Variants in TLN2 observed in about 807,000 individuals in gnomAD.
TLN2 encodes the protein talin-2.
TLN2 carries 118 observed loss-of-function variants against 294.7 expected under a neutral mutation model. That is an observed-to-expected ratio of 0.40 (90% confidence interval 0.34 to 0.47). The LOEUF is 0.47. Ranked by LOEUF, TLN2 falls within the 20% of genes least tolerant of loss-of-function variation. The probability of loss-of-function intolerance (pLI) is 0.84; values close to 1 mark genes in which losing one functional copy is unlikely to be tolerated. For missense variants in TLN2, 3,083 were observed against 3,282.2 expected, an observed-to-expected ratio of 0.94 and a Z score of 1.48; for synonymous variants, 1,431 against 1,304.5, an observed-to-expected ratio of 1.10 and a Z score of -2.09.
intron 48 of TLN2, among the ~76,000 whole-genome samples, chr15:62,798,446 A>G (rs933126740): frequency 1.3e-5 from 2 of 152,174 alleles, no homozygotes; most frequent in African/African-American, 2.4e-5. Context: ...GCTACTGGCT[A>G]CTGAACAAGT....
At chr15:62,715,815 T>TG (rs1277890949) in intron 22 of TLN2, among the ~76,000 whole-genome samples, 1 of 152,194 alleles carries the variant, frequency 6.6e-6, no homozygotes, top group African/African-American at 2.4e-5. Context: ...AAAATTTCCT[T>TG]GGAGTGTTTT....
At chr15:62,535,861 T>A (rs968367095) in intron 1 of TLN2, among the ~76,000 whole-genome samples, 6 of 152,204 alleles carry the variant, frequency 3.9e-5, no homozygotes, top group African/African-American at 1.4e-4. Context: ...CCAGTATGTT[T>A]TAAAGTTATT....
intron 28 of TLN2, among the ~76,000 whole-genome samples, chr15:62,735,785 T>G (rs2060977688): frequency 6.6e-6 from 1 of 152,176 alleles, no homozygotes. Context: ...ATATAAGAAC[T>G]TTCTTGTTAG....
chr15:62,710,357 G>A (rs1411734366), intron 21 of TLN2, among the ~76,000 whole-genome samples: 1 of 152,078 alleles, frequency 6.6e-6, no homozygotes, highest in Non-Finnish European at 1.5e-5. Context: ...ATCTATTTTT[G>A]TGCTTCCTTG....
At chr15:62,545,140 G>A (rs567743933) in intron 1 of TLN2, among the ~76,000 whole-genome samples, 8 of 150,526 alleles carry the variant, frequency 5.3e-5, no homozygotes, top group Non-Finnish European at 8.9e-5. Context: ...GGGTTTCACT[G>A]TGTTAGCCAG....
At chr15:62,835,867 C>A in intron 56 of TLN2, 24 bp from the exon 57 acceptor site, 1 of 1,614,168 alleles carries the variant, frequency 6.2e-7, no homozygotes, top group Non-Finnish European at 8.5e-7. Context: ...GGCCTTGGGT[C>A]ACTTCTCCGT....
At chr15:62,800,248 A>C in intron 48 of TLN2, 120 bp from the exon 49 acceptor site, 1 of 1,470,112 alleles carries the variant, frequency 6.8e-7, no homozygotes, top group Non-Finnish European at 9.1e-7. Flanking sequence ...CATGCTGCAG[A>C]CTTCAGACTG....
At position 62,650,071 on chromosome 15, in the gene TLN2, A is replaced by G. The variant is rs754443416; in HGVS notation, c.137-13A>G. The G allele has an allele frequency of 6.8e-6, 11 of 1,613,706 alleles. No individual in the cohort carries two copies. Among genetic ancestry groups the G allele is most frequent in the Non-Finnish European group, 8.5e-6 (10 of 1,179,770 alleles). ...CACTTTGCCTTCTGTTTTTCTTCCC[A>G]TTTATATTTCAGCTTCTGACTATGG... On this transcript the variant is annotated splice_polypyrimidine_tract_variant and intron_variant, in intron 4 of 58. Coordinates refer to ENST00000636159, the MANE Select transcript of TLN2 (RefSeq NM_015059.3).
intron 9 of TLN2, among the ~76,000 whole-genome samples, chr15:62,664,418 C>T (rs1477154075): frequency 1.3e-5 from 2 of 151,846 alleles, no homozygotes. Flanking sequence ...GTGAAGACAA[C>T]CAAGGTTCTT....
chr15:62,441,818 T>G (rs909452383), intron 1 of TLN2, among the ~76,000 whole-genome samples: 1 of 152,120 alleles, frequency 6.6e-6, no homozygotes, highest in African/African-American at 2.4e-5. Context: ...ATTAACAACA[T>G]GAAGGACTGG....
intron 1 of TLN2, among the ~76,000 whole-genome samples, chr15:62,489,726 A>G (rs1162421852): frequency 1.3e-5 from 2 of 152,196 alleles, no homozygotes; most frequent in African/African-American, 2.4e-5. Context: ...CCAAGTGACA[A>G]AAGGCACTGT....
chr15:62,629,280 T>C (rs2049566137), intron 3 of TLN2, among the ~76,000 whole-genome samples: 1 of 152,198 alleles, frequency 6.6e-6, no homozygotes, highest in African/African-American at 2.4e-5. Flanking sequence ...TTTGTGACCT[T>C]GGATGGAGTA....
chr15:62,798,431 T>C (rs183798953), intron 48 of TLN2, among the ~76,000 whole-genome samples: 1 of 152,236 alleles, frequency 6.6e-6, no homozygotes, highest in Non-Finnish European at 1.5e-5. Flanking sequence ...TCTTGGCACA[T>C]AGTGGCTACT....
intron 1 of TLN2, among the ~76,000 whole-genome samples, chr15:62,404,020 C>G (rs948374598): frequency 1.3e-5 from 2 of 152,282 alleles, no homozygotes; most frequent in Middle Eastern, 6.8e-3. Flanking sequence ...ACAAAAAATT[C>G]TTAATGATTG....
intron 3 of TLN2, among the ~76,000 whole-genome samples, chr15:62,629,504 T>C (rs1428616840): frequency 1.3e-5 from 2 of 152,214 alleles, no homozygotes; most frequent in African/African-American, 4.8e-5. Context: ...TTTAAAGCTT[T>C]TTATTTTTGA....
At chr15:62,600,629 C>A (rs1020423200) in intron 2 of TLN2, among the ~76,000 whole-genome samples, 2 of 152,144 alleles carry the variant, frequency 1.3e-5, no homozygotes, top group Non-Finnish European at 2.9e-5. Flanking sequence ...GGAATGGAAC[C>A]GCCTGCCAGA....
intron 1 of TLN2, among the ~76,000 whole-genome samples, chr15:62,439,602 C>T (rs528634765): frequency 6.6e-6 from 1 of 152,128 alleles, no homozygotes; most frequent in Non-Finnish European, 1.5e-5. Context: ...TGTGAGCCAC[C>T]GTGCGCCTAT....
At chr15:62,555,713 T>C (rs1396882983) in intron 1 of TLN2, among the ~76,000 whole-genome samples, 1 of 152,202 alleles carries the variant, frequency 6.6e-6, no homozygotes, top group African/African-American at 2.4e-5. Context: ...ATTTTTACTT[T>C]TCCCGGTATA....
intron 1 of TLN2, among the ~76,000 whole-genome samples, chr15:62,405,932 C>T (rs559479739): frequency 1.3e-5 from 2 of 152,280 alleles, no homozygotes; most frequent in Admixed American, 1.3e-4. Context: ...AATGCCTTGT[C>T]GGGCTGAGCT....
Sources: allele counts gnomAD v4.1 joint callset (sites outside exome capture counted in the v4.1 genomes callset), GRCh38; gene constraint gnomAD v4.1.1; transcripts MANE v1.5; gene names NCBI Gene and HGNC (gene_info 2026-07-23, HGNC 2026-07-21).